The following CRISPLD2 variants were observed in gnomAD, a reference collection of about 807,000 sequenced individuals.
The protein encoded by CRISPLD2 is cysteine rich secretory protein LCCL domain containing 2, also known as cysteine-rich secretory protein LCCL domain-containing 2.
In CRISPLD2, 47 loss-of-function variants were observed where a neutral mutation model predicts 71.1. That is an observed-to-expected ratio of 0.66 (90% CI 0.52 to 0.84). CRISPLD2 has a LOEUF of 0.84. CRISPLD2 is among the 40% of genes least tolerant of loss of function. The pLI, the probability that CRISPLD2 is intolerant of heterozygous loss-of-function variation, is 0.00. For synonymous variants in CRISPLD2, 317 were observed against 250.1 expected, an observed-to-expected ratio of 1.27 and a Z score of -2.52; for missense variants, 830 against 651.1, an observed-to-expected ratio of 1.27 and a Z score of -2.99.
At chr16:84,836,696 C>T (rs1385430977) in intron 1 of CRISPLD2, among the ~76,000 whole-genome samples, 1 of 152,168 alleles carries the variant, frequency 6.6e-6, no homozygotes, top group East Asian at 1.9e-4. Flanking sequence ...TGGCCTCTAT[C>T]CCCTCCAGGC....
intron 7 of CRISPLD2, among the ~76,000 whole-genome samples, chr16:84,867,638 C>A (rs1000673291): frequency 2.0e-5 from 3 of 152,202 alleles, no homozygotes; most frequent in African/African-American, 7.2e-5. Context: ...ATGATCTCGG[C>A]TCACTGCAAC....
At chr16:84,869,634 C>T (rs1468244403) in intron 8 of CRISPLD2, among the ~76,000 whole-genome samples, 1 of 152,184 alleles carries the variant, frequency 6.6e-6, no homozygotes, top group African/African-American at 2.4e-5. Flanking sequence ...CATGTGTCAA[C>T]AGTCAGCAGT....
chr16:84,895,240 A>G (rs2071695989), intron 14 of CRISPLD2, among the ~76,000 whole-genome samples: 1 of 152,170 alleles, frequency 6.6e-6, no homozygotes, highest in Non-Finnish European at 1.5e-5. Context: ...CCAGGGGCAG[A>G]GCTGGGACTC....
At chr16:84,879,227 A>C (rs2071546949) in intron 12 of CRISPLD2, among the ~76,000 whole-genome samples, 1 of 152,262 alleles carries the variant, frequency 6.6e-6, no homozygotes, top group Admixed American at 6.5e-5. Context: ...ATTAGAGAGA[A>C]GCAGAAGGAA....
At position 84,868,861 on chromosome 16, in the gene CRISPLD2, C is replaced by T. The variant is rs1917614570; in HGVS notation, c.864C>T (p.Val288=). ...GCATTTCTCTCCTAGCCCAAGTCGTCAGATGTGACACCAAGATGAAGGACA... is the reference window on the plus strand; with the variant it reads ...GCATTTCTCTCCTAGCCCAAGTCGTTAGATGTGACACCAAGATGAAGGACA... The part of the protein sequence containing the change: ...TSAVNYMTQV[V]RCDTKMKDRC... The change falls in exon 8 of 15, where the codon GTC becomes GTT. Residue 288 remains valine, a synonymous_variant. Transcript: ENST00000262424. The T allele has an allele frequency of 6.2e-7, 1 of 1,612,172 alleles. No individual in the cohort carries two copies. Among genetic ancestry groups the T allele is most frequent in the Non-Finnish European group, 8.5e-7 (1 of 1,179,204 alleles).
At chr16:84,838,880 CTCTGT>C in intron 2 of CRISPLD2, 145 bp downstream of exon 2, 1 of 1,059,478 alleles carries the variant, frequency 9.4e-7, no homozygotes, top group Non-Finnish European at 1.4e-6. Flanking sequence ...AGGATCCCGG[CTCTGT>C]TCTGTTTTGT....
intron 5 of CRISPLD2, among the ~76,000 whole-genome samples, chr16:84,853,586 A>T (rs1917149094): frequency 6.6e-6 from 1 of 152,104 alleles, no homozygotes; most frequent in African/African-American, 2.4e-5. Context: ...GGGAAGTTCT[A>T]GGCCACTCTT....
intron 3 of CRISPLD2, 179 bp from the exon 4 acceptor site, chr16:84,849,206 T>G (rs999461496): frequency 1.7e-6 from 1 of 586,610 alleles, no homozygotes; most frequent in African/African-American, 1.8e-5. Context: ...GCTCCTGGAA[T>G]TGGGGGCTAT....
chr16:84,889,136 C>A, intron 13 of CRISPLD2, 94 bp from the exon 14 acceptor site: 1 of 1,539,852 alleles, frequency 6.5e-7, no homozygotes, highest in Non-Finnish European at 8.9e-7. Flanking sequence ...ATCCCACCAG[C>A]CAGGTTGCCC....
intron 1 of CRISPLD2, among the ~76,000 whole-genome samples, chr16:84,831,923 TG>T (rs1421624538): frequency 6.6e-6 from 1 of 152,152 alleles, no homozygotes; most frequent in African/African-American, 2.4e-5. Flanking sequence ...TTAGTAAAGA[TG>T]GGGTTTCACC....
chr16:84,883,653 A>C (rs534253970), intron 13 of CRISPLD2, among the ~76,000 whole-genome samples: 1 of 152,146 alleles, frequency 6.6e-6, no homozygotes, highest in African/African-American at 2.4e-5. Context: ...CTGCATTCCA[A>C]CAAGTTCCCA....
At chr16:84,822,804 G>A (rs534996435) in intron 1 of CRISPLD2, among the ~76,000 whole-genome samples, 1 of 152,160 alleles carries the variant, frequency 6.6e-6, no homozygotes. Context: ...AGATCTGGGT[G>A]GTGGTTAATA....
intron 14 of CRISPLD2, among the ~76,000 whole-genome samples, chr16:84,897,746 A>G (rs1233701815): frequency 6.6e-6 from 1 of 152,106 alleles, no homozygotes; most frequent in Non-Finnish European, 1.5e-5. Flanking sequence ...CCTCCCAAGT[A>G]GCTGGGATTA....
At chr16:84,839,216 C>T (rs1406796582) in intron 2 of CRISPLD2, 1 of 330,488 alleles carries the variant, frequency 3.0e-6, no homozygotes, top group Non-Finnish European at 5.9e-6. Flanking sequence ...TCTGCCAAAA[C>T]AACACACGTG....
intron 4 of CRISPLD2, 38 bp from the exon 5 acceptor site, chr16:84,850,530 A>G (rs763681555): frequency 2.5e-6 from 4 of 1,568,762 alleles, no homozygotes; most frequent in East Asian, 2.2e-5. Context: ...TTTGTGCCTT[A>G]TCCCTCGAGC....
rs149615348 is a variant in CRISPLD2 at position 84,867,039 on chromosome 16, G to C, written c.852G>C (p.Met284Ile). The change falls in exon 7 of 15, where the codon ATG (methionine) becomes ATC (isoleucine). Residue 284 changes from methionine (M) to isoleucine (I), a missense_variant and splice_region_variant. Coordinates refer to ENST00000262424, the MANE Select transcript of CRISPLD2 (RefSeq NM_031476.4). ...KPKKTSAVNY[M>I]TQVVRCDTKM... ...AGAAAACCTCTGCGGTCAACTACAT[G>C]AGTGAGTCTAGGCCGTCCTCCGCCC... is the stretch of plus-strand genomic sequence containing the variant. The C allele has an allele frequency of 6.2e-7, 1 of 1,613,916 alleles. No individual in the cohort carries two copies. The highest frequency in any genetic ancestry group is 8.5e-7 in the Non-Finnish European group (1 of 1,180,002).
rs74031018 is a variant in CRISPLD2 at position 84,889,480 on chromosome 16, A to T, written c.1439+117A>T. The stretch of plus-strand genomic sequence containing the variant: ...TAAAATAAAACTCGGGTAGACTTGC[A>T]CGAATTCTTACCAGGACTCCCAGGT... On this transcript the variant is annotated intron_variant, in intron 14 of 14. Coordinates refer to ENST00000262424, the MANE Select transcript of CRISPLD2 (RefSeq NM_031476.4). The T allele has an allele frequency of 1.5e-3, 1,655 of 1,083,842 alleles. 16 individuals are homozygous for T. The African/African-American group carries it at 0.024, about 16-fold the overall frequency. 67.1% of individuals were successfully genotyped at this position (1,083,842 alleles called of 1,614,324 possible).
At chr16:84,890,720 G>A (rs947223841) in intron 14 of CRISPLD2, among the ~76,000 whole-genome samples, 11 of 151,990 alleles carry the variant, frequency 7.2e-5, no homozygotes, top group African/African-American at 1.7e-4. Context: ...ACTTGAACCC[G>A]GGAGGTAGAG....
chr16:84,842,794 T>G (rs921991492), intron 2 of CRISPLD2, among the ~76,000 whole-genome samples: 1 of 152,198 alleles, frequency 6.6e-6, no homozygotes, highest in African/African-American at 2.4e-5. Context: ...TGAGACCCAT[T>G]GAATCCGCGC....
Sources: gnomAD v4.1 joint callset for allele counts (sites outside exome capture counted in the v4.1 genomes callset) on GRCh38, gnomAD v4.1.1 for gene constraint, MANE v1.5 for transcripts, NCBI Gene and HGNC (gene_info 2026-07-23, HGNC 2026-07-21) for gene names.